The following CFAP206 variants were observed in gnomAD, a reference collection of about 807,000 sequenced individuals.
The protein encoded by CFAP206 is cilia and flagella associated protein 206.
Under a neutral mutation model 65.4 loss-of-function variants are expected in CFAP206, and 53 were observed. The ratio of observed to expected loss-of-function variants is 0.81; its 90% CI spans 0.65 to 1.02. The LOEUF is 1.02. CFAP206 is among the 50% of genes least tolerant of loss of function. CFAP206 has a pLI of 0.00. For missense variants in CFAP206, 663 were observed against 753.2 expected (o/e 0.88, Z 1.40); for synonymous variants, 250 against 254.4 (o/e 0.98, Z 0.17).
intron 11 of CFAP206, among the ~76,000 whole-genome samples, chr6:87,450,590 T>C (rs1582149916): frequency 7.1e-6 from 1 of 141,752 alleles, no homozygotes; most frequent in Non-Finnish European, 1.5e-5. Flanking sequence ...AAAAAAGGTA[T>C]GTTTCACCCT....
At chr6:87,414,192 T>C (rs1315496564) in intron 4 of CFAP206, among the ~76,000 whole-genome samples, 1 of 152,248 alleles carries the variant, frequency 6.6e-6, no homozygotes, top group Admixed American at 6.5e-5. Flanking sequence ...TTTTAATTTA[T>C]AGATTTTCTT....
At chr6:87,414,955 G>A (rs959149590) in intron 4 of CFAP206, among the ~76,000 whole-genome samples, 1 of 152,030 alleles carries the variant, frequency 6.6e-6, no homozygotes, top group Non-Finnish European at 1.5e-5. Flanking sequence ...TGGTTTTGTG[G>A]CAAGGGTATA....
rs780112296 is a variant in CFAP206 at position 87,461,141 on chromosome 6, AT to A, written c.1616del (p.Leu539Ter). On this transcript the variant is annotated frameshift_variant, in exon 12 of 13. Coordinates refer to ENST00000369562, the MANE Select transcript of CFAP206 (RefSeq NM_001031743.3). LOFTEE classifies it high-confidence loss of function. ...GATCATATGAGTGGAATGAATGGGA[AT>A]TAAGAAGAAAAGCTATAAAATTGGT... Reference protein sequence around the residue: ...VRSYEWNEWELRRKAIKLANL... With the variant: ...VRSYEWNEWEXRRKAIKLANL... The A allele has an allele frequency of 1.3e-6, 2 of 1,563,952 alleles. No homozygotes were observed. The highest frequency in any genetic ancestry group is 2.8e-5 in the African/African-American group (2 of 71,512).
chr6:87,441,961 A>C (rs550368677), intron 11 of CFAP206: 53 of 254,248 alleles, frequency 2.1e-4, no homozygotes, highest in Non-Finnish European at 3.9e-4. Flanking sequence ...GTCACTGAGT[A>C]CATAAGCTTC....
intron 1 of CFAP206, 85 bp from the exon 2 acceptor site, chr6:87,409,750 T>C (rs1423391779): frequency 1.2e-6 from 1 of 834,908 alleles, no homozygotes; most frequent in Non-Finnish European, 2.0e-6. Context: ...TGTTTACAAA[T>C]ACAATATTGC....
chr6:87,409,152 G>A (rs1271469412), intron 1 of CFAP206, among the ~76,000 whole-genome samples: 2 of 151,788 alleles, frequency 1.3e-5, no homozygotes, highest in African/African-American at 4.8e-5. Flanking sequence ...GGTGGAATAA[G>A]CATTTCTCCT....
intron 10 of CFAP206, among the ~76,000 whole-genome samples, chr6:87,431,903 T>C (rs1051538526): frequency 6.6e-6 from 1 of 152,184 alleles, no homozygotes; most frequent in Admixed American, 6.5e-5. Flanking sequence ...CTGGCATAGA[T>C]AGGATTTCTC....
chr6:87,416,508 A>G (rs967292536), intron 5 of CFAP206, among the ~76,000 whole-genome samples, 161 bp from the exon 6 acceptor site: 3 of 152,220 alleles, frequency 2.0e-5, no homozygotes, highest in East Asian at 1.9e-4. Flanking sequence ...TTGATGCGTG[A>G]TAAGTTTTAT....
At chr6:87,421,517 G>T (rs1453874468) in intron 7 of CFAP206, among the ~76,000 whole-genome samples, 1 of 152,046 alleles carries the variant, frequency 6.6e-6, no homozygotes, top group Non-Finnish European at 1.5e-5. Flanking sequence ...TATATAGCCT[G>T]GGTAAGATAG....
At chr6:87,457,067 A>G (rs1435110064) in intron 11 of CFAP206, among the ~76,000 whole-genome samples, 1 of 150,504 alleles carries the variant, frequency 6.6e-6, no homozygotes, top group African/African-American at 2.4e-5. Context: ...GGAGAATGGC[A>G]TGAACCCAGG....
chr6:87,421,223 C>T (rs1261943879), intron 7 of CFAP206, among the ~76,000 whole-genome samples: 1 of 152,182 alleles, frequency 6.6e-6, no homozygotes, highest in African/African-American at 2.4e-5. Context: ...TGGTGGCTCA[C>T]GCCTATAATC....
chr6:87,442,220 C>G (rs1354301126), intron 11 of CFAP206: 1 of 153,310 alleles, frequency 6.5e-6, no homozygotes, highest in African/African-American at 2.4e-5. Context: ...TTTTCTGCTG[C>G]TGCTGCAAAT....
chr6:87,462,613 A>G lies in CFAP206; in HGVS notation c.1639-1407A>G, dbSNP rs557075610. On this transcript the variant is annotated intron_variant, in intron 12 of 12. Coordinates refer to ENST00000369562, the MANE Select transcript of CFAP206 (RefSeq NM_001031743.3). ...ACTAAATTAACATAGGTGATATTTT[A>G]TGTTGCTTTTGAGATACAAATAGGC... is the stretch of plus-strand genomic sequence containing the variant. 1.2e-4 allele frequency among the ~76,000 whole-genome samples: 18 copies of G among 152,338 alleles called. No homozygotes were observed. The South Asian group carries it at 3.7e-3, about 32-fold the overall frequency.
intron 8 of CFAP206, among the ~76,000 whole-genome samples, chr6:87,427,187 G>A (rs536308010): frequency 6.6e-6 from 1 of 152,242 alleles, no homozygotes; most frequent in East Asian, 1.9e-4. Flanking sequence ...GCCCAGGCTG[G>A]AGTGCAGTGG....
intron 11 of CFAP206, among the ~76,000 whole-genome samples, chr6:87,446,883 T>C (rs1322719035): frequency 6.6e-6 from 1 of 152,214 alleles, no homozygotes; most frequent in Non-Finnish European, 1.5e-5. Context: ...CAGTGGTTTA[T>C]AGTTCTCCTT....
chr6:87,421,243 T>G (rs1767935278), intron 7 of CFAP206, among the ~76,000 whole-genome samples: 1 of 152,204 alleles, frequency 6.6e-6, no homozygotes, highest in Admixed American at 6.5e-5. Context: ...CCCAGCACTT[T>G]GGGAGGCTGA....
At chr6:87,451,784 A>T (rs1768548147) in intron 11 of CFAP206, among the ~76,000 whole-genome samples, 1 of 151,990 alleles carries the variant, frequency 6.6e-6, no homozygotes, top group South Asian at 2.1e-4. Context: ...CTGGGCCAGT[A>T]AGAAATCCGC....
intron 11 of CFAP206, among the ~76,000 whole-genome samples, chr6:87,438,460 C>CAAAAAAAAA (rs757336468): frequency 9.0e-6 from 1 of 111,022 alleles, no homozygotes; most frequent in African/African-American, 3.5e-5. Context: ...ACTCTTGTCT[C>CAAAAAAAAA]AAAAAAAAAA....
At chr6:87,427,466 G>A (rs1768063691) in intron 8 of CFAP206, among the ~76,000 whole-genome samples, 1 of 152,184 alleles carries the variant, frequency 6.6e-6, no homozygotes, top group Non-Finnish European at 1.5e-5. Flanking sequence ...TAGAGGATAT[G>A]AGGCTGTAAT....
Sources: allele counts gnomAD v4.1 joint callset (sites outside exome capture counted in the v4.1 genomes callset), GRCh38; gene constraint gnomAD v4.1.1; transcripts MANE v1.5; gene names NCBI Gene and HGNC (gene_info 2026-07-23, HGNC 2026-07-21).